Variants in BICDL1 observed in about 807,000 individuals in gnomAD.
The protein encoded by BICDL1 is BICD family like cargo adaptor 1.
A neutral mutation model predicts 76.8 loss-of-function variants in BICDL1; 20 were observed. The observed-to-expected ratio is 0.26, with a 90% CI of 0.18 to 0.38. The LOEUF is 0.38. BICDL1 is among the 10% of genes least tolerant of loss of function. The probability of loss-of-function intolerance (pLI) is 1.00; values close to 1 mark genes in which losing one functional copy is unlikely to be tolerated. For missense variants in BICDL1, 700 were observed against 798.6 expected (o/e 0.88, Z 1.49); for synonymous variants, 383 against 337.1 (o/e 1.14, Z -1.49).
chr12:120,089,845 G>T, intron 8 of BICDL1, 106 bp from the exon 9 acceptor site: 1 of 1,368,576 alleles, frequency 7.3e-7, no homozygotes, highest in African/African-American at 1.5e-5. Flanking sequence ...TGTGAGTTCA[G>T]GGTCAGAGCC....
intron 6 of BICDL1, 149 bp from the exon 7 acceptor site, chr12:120,074,294 A>G (rs540605058): frequency 1.7e-5 from 6 of 343,344 alleles, no homozygotes; most frequent in South Asian, 1.7e-4. Flanking sequence ...CTTCCCTACT[A>G]TCTTTCCCCA....
intron 8 of BICDL1, among the ~76,000 whole-genome samples, chr12:120,087,047 C>T (rs768942498): frequency 6.6e-6 from 1 of 152,240 alleles, no homozygotes; most frequent in South Asian, 2.1e-4. Flanking sequence ...TCCTGGGGCT[C>T]CCGCTGCTCT....
rs1323314006 is a variant in BICDL1, at chr12:120,071,196, G to T, written c.910-426G>T. ...CTCGCACTGTCACCCAGGTTGGAGT[G>T]CAATGGCGTGATCTTAGCTCATTGC... is the stretch of plus-strand genomic sequence containing the variant. On this transcript the variant is annotated intron_variant, in intron 4 of 9. Coordinates refer to ENST00000548673, the MANE Select transcript of BICDL1 (RefSeq NM_001367886.1). The surrounding 1 kb of genome is among the most constrained non-coding windows in gnomAD (Gnocchi z 4.8). Among the ~76,000 whole-genome samples, 1 of 151,590 alleles carries T rather than the reference G, an allele frequency of 6.6e-6. No individual in the cohort carries two copies. Among genetic ancestry groups the T allele is most frequent in the Non-Finnish European group, 1.5e-5 (1 of 67,966 alleles).
intron 8 of BICDL1, among the ~76,000 whole-genome samples, chr12:120,085,399 A>G (rs1033673611): frequency 1.3e-5 from 2 of 152,154 alleles, no homozygotes; most frequent in African/African-American, 4.8e-5. Flanking sequence ...GTGAGGCCCT[A>G]TCTCAAAAAA....
At chr12:120,086,315 G>GA (rs1430086328) in intron 8 of BICDL1, among the ~76,000 whole-genome samples, 1 of 152,198 alleles carries the variant, frequency 6.6e-6, no homozygotes, top group African/African-American at 2.4e-5. Flanking sequence ...CAAGCCTAAG[G>GA]AATCATTTAA....
At chr12:120,056,495 C>T (rs550451449) in intron 2 of BICDL1, among the ~76,000 whole-genome samples, 59 of 152,154 alleles carry the variant, frequency 3.9e-4, no homozygotes, top group African/African-American at 1.4e-3. Flanking sequence ...CCAAGGTGGG[C>T]GGATCACGAG....
intron 2 of BICDL1, among the ~76,000 whole-genome samples, chr12:120,051,611 G>A (rs1273080531): frequency 6.6e-6 from 1 of 152,078 alleles, no homozygotes; most frequent in African/African-American, 2.4e-5. Flanking sequence ...CTTCTGTTAA[G>A]TGTCTTGGGG....
intron 8 of BICDL1, among the ~76,000 whole-genome samples, chr12:120,088,918 C>T (rs954454280): frequency 6.6e-6 from 1 of 152,202 alleles, no homozygotes. Flanking sequence ...CCCGCCTTGG[C>T]CTCCCAAAGT....
intron 2 of BICDL1, among the ~76,000 whole-genome samples, chr12:120,061,467 G>T (rs1238329133): frequency 6.6e-6 from 1 of 151,912 alleles, no homozygotes; most frequent in Non-Finnish European, 1.5e-5. Context: ...CTATTTCCTA[G>T]GGCTGTTTCC....
chr12:120,016,883 T>A (rs1480132358), intron 2 of BICDL1, among the ~76,000 whole-genome samples: 1 of 152,130 alleles, frequency 6.6e-6, no homozygotes, highest in African/African-American at 2.4e-5. Flanking sequence ...GTAATAGATT[T>A]ATTTTACTTT....
At chr12:120,055,895 C>T (rs1313472538) in intron 2 of BICDL1, among the ~76,000 whole-genome samples, 2 of 152,140 alleles carry the variant, frequency 1.3e-5, no homozygotes, top group Non-Finnish European at 2.9e-5. Context: ...AGTGAATGTG[C>T]GTATTCTTTT....
At chr12:120,080,640 C>A in intron 7 of BICDL1, 1 of 370,266 alleles carries the variant, frequency 2.7e-6, no homozygotes, top group Non-Finnish European at 5.2e-6. Context: ...TGGCCTACGG[C>A]TGCAGGTCCA....
At chr12:119,999,051 A>G (rs1951708204) in intron 2 of BICDL1, among the ~76,000 whole-genome samples, 1 of 133,484 alleles carries the variant, frequency 7.5e-6, no homozygotes, top group Admixed American at 7.7e-5. Context: ...ACAGAGTGAC[A>G]GCCTGTCTCG....
chr12:120,062,528 G>C (rs574549126), intron 3 of BICDL1, among the ~76,000 whole-genome samples: 6 of 152,112 alleles, frequency 3.9e-5, no homozygotes, highest in Admixed American at 6.5e-5. Context: ...TGCTAAGTCA[G>C]AGTTTGAAGG....
At chr12:120,040,917 T>C (rs567671212) in intron 2 of BICDL1, among the ~76,000 whole-genome samples, 15 of 152,212 alleles carry the variant, frequency 9.9e-5, no homozygotes, top group African/African-American at 3.6e-4. Flanking sequence ...TGGCTAATTT[T>C]TGTATTTTTA....
chr12:120,030,204 T>C (rs1018339441), intron 2 of BICDL1, among the ~76,000 whole-genome samples: 18 of 152,322 alleles, frequency 1.2e-4, no homozygotes, highest in Non-Finnish European at 1.9e-4. Flanking sequence ...TAAACAATAC[T>C]GTATTAGTAA....
intron 7 of BICDL1, among the ~76,000 whole-genome samples, chr12:120,077,333 C>T (rs1423791859): frequency 6.6e-6 from 1 of 152,218 alleles, no homozygotes; most frequent in East Asian, 1.9e-4. Context: ...GGTGTGCCCC[C>T]TCCTACCCCA....
intron 8 of BICDL1, among the ~76,000 whole-genome samples, chr12:120,081,659 T>C (rs560545236): frequency 6.6e-6 from 1 of 152,156 alleles, no homozygotes; most frequent in Non-Finnish European, 1.5e-5. Context: ...TCCAGTTTTA[T>C]CGTATGTATA....
At chr12:120,078,333 C>T (rs951641945) in intron 7 of BICDL1, among the ~76,000 whole-genome samples, 1 of 152,226 alleles carries the variant, frequency 6.6e-6, no homozygotes, top group East Asian at 1.9e-4. Context: ...TGAGAATAAG[C>T]ACTCAAATGT....
Sources: gnomAD v4.1 joint callset for allele counts (sites outside exome capture counted in the v4.1 genomes callset) on GRCh38, gnomAD v4.1.1 for gene constraint, Gnocchi (gnomAD v3.1) non-coding constraint, MANE v1.5 for transcripts, NCBI Gene and HGNC (gene_info 2026-07-23, HGNC 2026-07-21) for gene names.